AUTS2: variants seen among roughly 807,000 people sequenced by gnomAD.
AUTS2 encodes the protein autism susceptibility gene 2 protein.
In AUTS2, 17 loss-of-function variants were observed where a neutral mutation model predicts 112.4. The observed-to-expected ratio is 0.15, with a 90% CI of 0.10 to 0.23. AUTS2 has a LOEUF of 0.23. AUTS2 is among the 10% of genes least tolerant of loss of function. AUTS2 has a pLI of 1.00. For missense variants in AUTS2, 1,510 were observed against 1,701.6 expected (o/e 0.89, Z 1.98); for synonymous variants, 751 against 702.7 (o/e 1.07, Z -1.09).
At chr7:70,138,784 CA>C (rs1332567231) in intron 4 of AUTS2, among the ~76,000 whole-genome samples, 10 of 152,228 alleles carry the variant, frequency 6.6e-5, no homozygotes, top group Non-Finnish European at 1.2e-4. Context: ...TTTTCCTGTG[CA>C]GTTGAATTAC....
At chr7:70,374,566 A>T (rs1010977903) in intron 4 of AUTS2, among the ~76,000 whole-genome samples, 2 of 152,190 alleles carry the variant, frequency 1.3e-5, no homozygotes, top group Admixed American at 1.3e-4. Context: ...AAGGGCAGGA[A>T]AATAAGTGTT....
chr7:70,310,293 T>C (rs916618625), intron 4 of AUTS2, among the ~76,000 whole-genome samples: 4 of 152,136 alleles, frequency 2.6e-5, no homozygotes, highest in Middle Eastern at 3.4e-3. Flanking sequence ...TCCTATGCAG[T>C]CTCTGCACCT....
chr7:70,083,323 C>T (rs1183705251), intron 2 of AUTS2, among the ~76,000 whole-genome samples: 1 of 152,078 alleles, frequency 6.6e-6, no homozygotes, highest in African/African-American at 2.4e-5. Context: ...GTGGAGGCGG[C>T]AAATAGTGTG....
At chr7:70,314,559 G>A (rs1318421537) in intron 4 of AUTS2, among the ~76,000 whole-genome samples, 1 of 152,224 alleles carries the variant, frequency 6.6e-6, no homozygotes, top group Non-Finnish European at 1.5e-5. Flanking sequence ...CTGGTGCCAA[G>A]TGTTTGCTCA....
chr7:69,606,670 G>A (rs981291), intron 1 of AUTS2, among the ~76,000 whole-genome samples: 108,413 of 152,074 alleles, frequency 0.71, 38,703 homozygotes, highest in East Asian at 0.78. Flanking sequence ...GAGAGCAACT[G>A]TTAATTTTAG....
chr7:69,915,693 A>G (rs1795548553), intron 2 of AUTS2, among the ~76,000 whole-genome samples: 1 of 152,170 alleles, frequency 6.6e-6, no homozygotes, highest in East Asian at 1.9e-4. Flanking sequence ...TTTTTGATGC[A>G]AGTAGACCTT....
At chr7:70,653,869 A>G (rs1173915778) in intron 5 of AUTS2, among the ~76,000 whole-genome samples, 1 of 152,152 alleles carries the variant, frequency 6.6e-6, no homozygotes, top group Admixed American at 6.5e-5. Context: ...GTTATGAATG[A>G]TTGTTAGGTT....
chr7:69,713,322 A>T (rs1459674457), intron 1 of AUTS2, among the ~76,000 whole-genome samples: 6 of 152,186 alleles, frequency 3.9e-5, no homozygotes, highest in Non-Finnish European at 8.8e-5. Context: ...CAATATCATT[A>T]ACTATAGTTA....
chr7:69,859,161 C>T (rs1327557879), intron 1 of AUTS2, among the ~76,000 whole-genome samples: 2 of 152,114 alleles, frequency 1.3e-5, no homozygotes, highest in African/African-American at 4.8e-5. Flanking sequence ...GGATATTGTG[C>T]TTTCAAAGGA....
chr7:70,488,935 G>A (rs1798131093), intron 5 of AUTS2, among the ~76,000 whole-genome samples: 1 of 152,140 alleles, frequency 6.6e-6, no homozygotes, highest in Non-Finnish European at 1.5e-5. Context: ...TAGTACACAG[G>A]AAAAGTTCCC....
In AUTS2 at chr7:70,292,804, ATTCC is replaced by A. The variant is rs536677687; in HGVS notation, c.661-142945_661-142942del. 11 of 152,322 alleles carry A rather than the reference ATTCC, an allele frequency of 7.2e-5. 1 individual carries two copies. The East Asian group carries it at 2.1e-3, about 29-fold the overall frequency. The allele number at this position is 152,322 out of a possible 1,614,324, so 9.4% of individuals were successfully genotyped here. A position where few individuals can be genotyped will look rare whatever the true frequency, so the allele number is the denominator to read the frequency against. On this transcript the variant is annotated intron_variant, in intron 4 of 18. Coordinates refer to ENST00000342771, the MANE Select transcript of AUTS2 (RefSeq NM_015570.4). ...CGTGATGCAGCCTAATCAAAATGGTATTCCTTTGAGTGAGTGAGCCACAGAGACT... is the reference window on the plus strand; with the variant it reads ...CGTGATGCAGCCTAATCAAAATGGTATTTGAGTGAGTGAGCCACAGAGACT...
chr7:69,675,641 G>A (rs1379702803), intron 1 of AUTS2, among the ~76,000 whole-genome samples: 1 of 151,590 alleles, frequency 6.6e-6, no homozygotes, highest in Non-Finnish European at 1.5e-5. Flanking sequence ...CAAGAAACTG[G>A]GATTACAGGT....
At chr7:69,762,341 C>T (rs1183397401) in intron 1 of AUTS2, among the ~76,000 whole-genome samples, 1 of 124,422 alleles carries the variant, frequency 8.0e-6, no homozygotes, top group East Asian at 2.5e-4. Flanking sequence ...GGGTATCACC[C>T]AGTCACCCAG....
At chr7:70,296,378 T>G (rs10234892) in intron 4 of AUTS2, among the ~76,000 whole-genome samples, 46,174 of 152,118 alleles carry the variant, frequency 0.3, 7,271 homozygotes, top group African/African-American at 0.38. Context: ...AGTATCTGTT[T>G]TTAAAATTTG....
intron 6 of AUTS2, among the ~76,000 whole-genome samples, chr7:70,759,258 G>T (rs1364546537): frequency 6.6e-6 from 1 of 152,202 alleles, no homozygotes; most frequent in East Asian, 1.9e-4. Flanking sequence ...CAAGCCTTCT[G>T]GTTTACAAAA....
At chr7:69,870,831 T>A (rs961005945) in intron 1 of AUTS2, among the ~76,000 whole-genome samples, 2 of 152,170 alleles carry the variant, frequency 1.3e-5, no homozygotes, top group African/African-American at 4.8e-5. Context: ...TTAAATTAGC[T>A]GTTTAATGTT....
intron 1 of AUTS2, among the ~76,000 whole-genome samples, chr7:69,762,940 T>G (rs1190696725): frequency 6.6e-6 from 1 of 152,212 alleles, no homozygotes; most frequent in Non-Finnish European, 1.5e-5. Context: ...CTTTTTTGTT[T>G]GTGTGAAATC....
intron 4 of AUTS2, among the ~76,000 whole-genome samples, chr7:70,154,138 A>G (rs1394354136): frequency 1.3e-5 from 2 of 152,210 alleles, no homozygotes; most frequent in Non-Finnish European, 2.9e-5. Flanking sequence ...CTTTCTTGAC[A>G]AAAGCAAGGT....
chr7:70,001,087 A>G (rs1266967084), intron 2 of AUTS2, among the ~76,000 whole-genome samples: 4 of 152,102 alleles, frequency 2.6e-5, no homozygotes, highest in African/African-American at 7.2e-5. Context: ...GCCTAAAAAT[A>G]TCAGAGAAAA....
Sources: gnomAD v4.1 joint callset for allele counts (sites outside exome capture counted in the v4.1 genomes callset) on GRCh38, gnomAD v4.1.1 for gene constraint, MANE v1.5 for transcripts, NCBI Gene and HGNC (gene_info 2026-07-23, HGNC 2026-07-21) for gene names.